NAV2: variants seen among roughly 807,000 people sequenced by gnomAD.
NAV2 encodes the protein neuron navigator 2, also known as helicase, APC down-regulated 1.
In NAV2, 54 loss-of-function variants were observed where a neutral mutation model predicts 223.2. The ratio of observed to expected loss-of-function variants is 0.24; its 90% CI spans 0.19 to 0.30. The LOEUF (loss-of-function observed/expected upper bound fraction) is 0.30. Ranked by LOEUF, NAV2 falls within the 10% of genes least tolerant of loss-of-function variation. The pLI, the probability that NAV2 is intolerant of heterozygous loss-of-function variation, is 1.00. For missense variants in NAV2, 2,806 were observed against 3,147.5 expected (o/e 0.89, Z 2.60); for synonymous variants, 1,279 against 1,239.3 (o/e 1.03, Z -0.67).
At chr11:20,079,644 G>T (rs547139084) in intron 24 of NAV2, among the ~76,000 whole-genome samples, 9 of 152,258 alleles carry the variant, frequency 5.9e-5, no homozygotes, top group African/African-American at 1.9e-4. Context: ...GCACATGGAA[G>T]GGCCCTAGAT....
intron 1 of NAV2, among the ~76,000 whole-genome samples, chr11:19,678,091 G>A (rs540300331): frequency 2.2e-3 from 339 of 152,294 alleles, no homozygotes; most frequent in Non-Finnish European, 4.1e-3. Context: ...ATAGGAGCGA[G>A]GGGATGCTGA....
At chr11:20,097,778 CA>C in intron 31 of NAV2, 33 bp downstream of exon 31, 1 of 1,530,216 alleles carries the variant, frequency 6.5e-7, no homozygotes, top group Non-Finnish European at 8.8e-7. Flanking sequence ...TCGGAGCTTT[CA>C]GGAATTGCAG....
intron 1 of NAV2, among the ~76,000 whole-genome samples, chr11:19,474,549 G>A (rs909400843): frequency 6.6e-6 from 1 of 152,228 alleles, no homozygotes; most frequent in African/African-American, 2.4e-5. Context: ...TGCCTTTGGA[G>A]AGGACAGGAG....
At chr11:19,681,933 A>G (rs1474470684) in intron 1 of NAV2, among the ~76,000 whole-genome samples, 5 of 152,178 alleles carry the variant, frequency 3.3e-5, no homozygotes, top group African/African-American at 9.7e-5. Flanking sequence ...GAGAAAATAC[A>G]TCTAGCAGGG....
At chr11:19,799,377 G>T (rs559303160) in intron 1 of NAV2, among the ~76,000 whole-genome samples, 11 of 152,256 alleles carry the variant, frequency 7.2e-5, no homozygotes, top group African/African-American at 2.6e-4. Context: ...GCTGAGTGTT[G>T]TGTCCCTGTC....
At chr11:19,755,993 A>C (rs11601801) in intron 1 of NAV2, among the ~76,000 whole-genome samples, 1,705 of 152,266 alleles carry the variant, frequency 0.011, 8 homozygotes, top group Non-Finnish European at 0.019. Context: ...GGAAAATCAC[A>C]ACTGCTTTCA....
chr11:19,356,690 G>T (rs1169939590), intron 1 of NAV2, among the ~76,000 whole-genome samples: 1 of 152,186 alleles, frequency 6.6e-6, no homozygotes, highest in Non-Finnish European at 1.5e-5. Context: ...CAGCTGGGAT[G>T]GATGCTGGCT....
At chr11:20,078,578 C>T (rs1313742246) in intron 24 of NAV2, among the ~76,000 whole-genome samples, 1 of 152,192 alleles carries the variant, frequency 6.6e-6, no homozygotes, top group Non-Finnish European at 1.5e-5. Flanking sequence ...CCTGCCTCAG[C>T]CTCCCAAGTA....
At chr11:20,037,586 A>G (rs1167494114) in intron 12 of NAV2, among the ~76,000 whole-genome samples, 4 of 152,232 alleles carry the variant, frequency 2.6e-5, no homozygotes, top group African/African-American at 7.2e-5. Flanking sequence ...AAAACTACCC[A>G]TATGACTAGA....
chr11:20,005,444 C>T (rs1191051234), intron 11 of NAV2, among the ~76,000 whole-genome samples: 1 of 151,712 alleles, frequency 6.6e-6, no homozygotes, highest in East Asian at 1.9e-4. Flanking sequence ...TAGGGTTTCA[C>T]CTTGTTAGCC....
intron 1 of NAV2, among the ~76,000 whole-genome samples, chr11:19,670,496 G>A (rs1335946929): frequency 1.3e-5 from 2 of 152,236 alleles, no homozygotes; most frequent in African/African-American, 4.8e-5. Context: ...AGGGGACAGT[G>A]CATGTTCTTT....
intron 1 of NAV2, among the ~76,000 whole-genome samples, chr11:19,796,058 A>G (rs2057867706): frequency 6.6e-6 from 1 of 152,208 alleles, no homozygotes; most frequent in Non-Finnish European, 1.5e-5. Flanking sequence ...AATGTGTTAT[A>G]TAGTTACTGA....
chr11:19,566,632 C>T (rs957882331), intron 1 of NAV2, among the ~76,000 whole-genome samples: 10 of 152,140 alleles, frequency 6.6e-5, no homozygotes, highest in African/African-American at 2.2e-4. Flanking sequence ...TCAGATATTC[C>T]AGAACTGCCG....
At chr11:19,839,738 T>A (rs1279424970) in intron 2 of NAV2, among the ~76,000 whole-genome samples, 1 of 152,262 alleles carries the variant, frequency 6.6e-6, no homozygotes, top group East Asian at 1.9e-4. Flanking sequence ...TTGATATCAC[T>A]GTTCTTATTT....
At chr11:20,110,569 G>T (rs1378665344) in intron 36 of NAV2, among the ~76,000 whole-genome samples, 1 of 152,098 alleles carries the variant, frequency 6.6e-6, no homozygotes, top group Non-Finnish European at 1.5e-5. Context: ...GTGCGTGTTG[G>T]TGCCCAGGAC....
chr11:20,007,956 C>G (rs1220996352), intron 11 of NAV2, among the ~76,000 whole-genome samples: 1 of 152,200 alleles, frequency 6.6e-6, no homozygotes, highest in Admixed American at 6.6e-5. Flanking sequence ...TAGAAGAGAA[C>G]GTTATCATAC....
upstream of NAV2, among the ~76,000 whole-genome samples, chr11:19,708,699 G>C (rs549997150): frequency 6.2e-4 from 95 of 152,286 alleles, 1 homozygote; most frequent in African/African-American, 2.2e-3. Flanking sequence ...ATGGCTCTTA[G>C]AACCAGGGAA....
chr11:19,360,704 T>C (rs1302757581), intron 1 of NAV2, among the ~76,000 whole-genome samples: 1 of 152,028 alleles, frequency 6.6e-6, no homozygotes, highest in South Asian at 2.1e-4. Context: ...ACATCTCTAA[T>C]CTATTGGGAA....
chr11:19,469,256 A>T (rs2041883586), intron 1 of NAV2, among the ~76,000 whole-genome samples: 1 of 152,212 alleles, frequency 6.6e-6, no homozygotes, highest in Non-Finnish European at 1.5e-5. Flanking sequence ...GAAAGTCATG[A>T]ATGAGCTGAG....
Sources: gnomAD v4.1 joint callset for allele counts (sites outside exome capture counted in the v4.1 genomes callset) on GRCh38, gnomAD v4.1.1 for gene constraint, MANE v1.5 for transcripts, NCBI Gene and HGNC (gene_info 2026-07-23, HGNC 2026-07-21) for gene names.